The following WDR70 variants were observed in gnomAD, a reference collection of about 807,000 sequenced individuals.
WDR70 encodes the protein WD repeat-containing protein 70.
Under a neutral mutation model 88.6 loss-of-function variants are expected in WDR70, and 53 were observed. That is an observed-to-expected ratio of 0.60 (90% CI 0.48 to 0.75). The LOEUF (loss-of-function observed/expected upper bound fraction) is 0.75, where lower values mean the gene tolerates loss of function less well. Ranked by LOEUF, WDR70 falls within the 30% of genes least tolerant of loss-of-function variation. The pLI, the probability that WDR70 is intolerant of heterozygous loss-of-function variation, is 0.00. For synonymous variants in WDR70, 280 were observed against 270.0 expected, an observed-to-expected ratio of 1.04 and a Z score of -0.36; for missense variants, 610 against 823.2, an observed-to-expected ratio of 0.74 and a Z score of 3.17.
chr5:37,689,895 G>A (rs1411959592), intron 10 of WDR70, among the ~76,000 whole-genome samples: 4 of 152,052 alleles, frequency 2.6e-5, no homozygotes, highest in South Asian at 2.1e-4. Context: ...TCAGAAGGTC[G>A]GTAATAACAA....
chr5:37,530,607 G>T (rs1162106709), intron 9 of WDR70, among the ~76,000 whole-genome samples: 1 of 151,804 alleles, frequency 6.6e-6, no homozygotes, highest in Non-Finnish European at 1.5e-5. Flanking sequence ...GTTCATAGTA[G>T]CCTTGAATGA....
chr5:37,709,889 T>TA (rs1747459617), intron 13 of WDR70, among the ~76,000 whole-genome samples: 1 of 152,178 alleles, frequency 6.6e-6, no homozygotes, highest in Admixed American at 6.5e-5. Flanking sequence ...AGCATACACA[T>TA]ATAATTTAAA....
chr5:37,687,652 G>T (rs1324799446), intron 10 of WDR70, among the ~76,000 whole-genome samples: 4 of 151,944 alleles, frequency 2.6e-5, no homozygotes, highest in Non-Finnish European at 4.4e-5. Context: ...TCATACTACA[G>T]CAAGACAAAA....
chr5:37,510,871 G>A (rs1195823173), intron 8 of WDR70, among the ~76,000 whole-genome samples: 1 of 152,146 alleles, frequency 6.6e-6, no homozygotes, highest in Non-Finnish European at 1.5e-5. Context: ...TTACCTCATA[G>A]TTTGAATTAG....
chr5:37,562,779 A>C (rs933266207), intron 9 of WDR70, among the ~76,000 whole-genome samples: 6 of 152,136 alleles, frequency 3.9e-5, no homozygotes, highest in African/African-American at 1.2e-4. Context: ...GTCACAGATC[A>C]ACAGGATCCC....
At chr5:37,716,647 T>G (rs1171115699) in intron 13 of WDR70, among the ~76,000 whole-genome samples, 1 of 151,984 alleles carries the variant, frequency 6.6e-6, no homozygotes, top group African/African-American at 2.4e-5. Context: ...TGGGATGAGA[T>G]TATTAATTTT....
chr5:37,381,175 T>C (rs1205279940), intron 2 of WDR70, among the ~76,000 whole-genome samples: 1 of 152,224 alleles, frequency 6.6e-6, no homozygotes, highest in Non-Finnish European at 1.5e-5. Flanking sequence ...TCAAGCCAAC[T>C]ATAATGCCTC....
chr5:37,657,977 T>C (rs560622873), intron 10 of WDR70, among the ~76,000 whole-genome samples: 1 of 152,334 alleles, frequency 6.6e-6, no homozygotes, highest in Non-Finnish European at 1.5e-5. Context: ...ATAAAGTCAA[T>C]TATCACATAA....
intron 9 of WDR70, among the ~76,000 whole-genome samples, chr5:37,600,386 C>G (rs1451998823): frequency 2.0e-4 from 31 of 151,856 alleles, no homozygotes; most frequent in Non-Finnish European, 8.8e-5. Flanking sequence ...AATTAGCCGG[C>G]CGTGGTGGCG....
In WDR70 at chr5:37,414,874, A is replaced by G. The variant is rs1749648179; in HGVS notation, c.492+18304A>G. Among the ~76,000 whole-genome samples the G allele has an allele frequency of 2.0e-5, 3 of 149,800 alleles. No individual in the cohort carries two copies. The South Asian group carries it at 6.3e-4, about 31-fold the overall frequency. ...ATAGGACAATAGTGGAGGGAAGGTCAGCAGATAAACAAGTGAACAAAGGTC... is the reference window on the plus strand; with the variant it reads ...ATAGGACAATAGTGGAGGGAAGGTCGGCAGATAAACAAGTGAACAAAGGTC... On this transcript the variant is annotated intron_variant, in intron 5 of 17. Transcript: ENST00000265107.
chr5:37,707,936 AAAAAAAAAAAAAATATATAT>A (rs1747384453), intron 13 of WDR70, among the ~76,000 whole-genome samples: 2 of 36,350 alleles, frequency 5.5e-5, no homozygotes, highest in African/African-American at 8.7e-5. Flanking sequence ...AAAAAAAAAA[AAAAAAAAAAAAAATATATAT>A]ATATATATAT....
At chr5:37,668,829 C>A (rs370414177) in intron 10 of WDR70, among the ~76,000 whole-genome samples, 10 of 152,170 alleles carry the variant, frequency 6.6e-5, no homozygotes, top group African/African-American at 2.2e-4. Context: ...TGAATGAAGG[C>A]TGGGTTATCT....
intron 10 of WDR70, among the ~76,000 whole-genome samples, chr5:37,616,283 A>G (rs569807998): frequency 5.9e-5 from 9 of 152,018 alleles, no homozygotes; most frequent in South Asian, 2.1e-4. Context: ...TGCCCGGCTA[A>G]TTTTTGTAGA....
intron 13 of WDR70, among the ~76,000 whole-genome samples, chr5:37,719,355 C>T (rs1747739674): frequency 6.9e-6 from 1 of 145,002 alleles, no homozygotes; most frequent in Admixed American, 6.7e-5. Flanking sequence ...AACAACCCCC[C>T]CCCCAAAAAA....
At chr5:37,519,012 T>C (rs1415131409) in intron 9 of WDR70, among the ~76,000 whole-genome samples, 1 of 152,144 alleles carries the variant, frequency 6.6e-6, no homozygotes, top group Non-Finnish European at 1.5e-5. Context: ...GGGGTAAGGT[T>C]ATAGATTAAC....
At chr5:37,430,721 C>G (rs189012412) in intron 5 of WDR70, among the ~76,000 whole-genome samples, 1 of 152,210 alleles carries the variant, frequency 6.6e-6, no homozygotes, top group Non-Finnish European at 1.5e-5. Context: ...CCACCACACC[C>G]AGCTAATTTT....
At chr5:37,385,036 C>T (rs1417320835) in intron 3 of WDR70, among the ~76,000 whole-genome samples, 11 of 152,156 alleles carry the variant, frequency 7.2e-5, no homozygotes, top group Non-Finnish European at 1.3e-4. Flanking sequence ...CAGGGAAACA[C>T]TTTACTTGCG....
chr5:37,721,278 CCA>C, intron 14 of WDR70, 63 bp downstream of exon 14: 5 of 1,422,302 alleles, frequency 3.5e-6, no homozygotes, highest in Non-Finnish European at 4.9e-6. Flanking sequence ...GATTTCCCTC[CCA>C]CCCCCGCTTT....
At chr5:37,715,494 G>T (rs1447464127) in intron 13 of WDR70, among the ~76,000 whole-genome samples, 1 of 152,144 alleles carries the variant, frequency 6.6e-6, no homozygotes, top group Non-Finnish European at 1.5e-5. Context: ...TTCCATTGAG[G>T]GGATATCTGT....
Sources: allele counts gnomAD v4.1 joint callset (sites outside exome capture counted in the v4.1 genomes callset), GRCh38; gene constraint gnomAD v4.1.1; transcripts MANE v1.5; gene names NCBI Gene and HGNC (gene_info 2026-07-23, HGNC 2026-07-21).